Variants in SPECC1 observed in about 807,000 individuals in gnomAD.
The protein encoded by SPECC1 is cytospin-B.
SPECC1 carries 62 observed loss-of-function variants against 104.1 expected under a neutral mutation model. That is an observed-to-expected ratio of 0.60 (90% CI 0.49 to 0.74). The LOEUF (loss-of-function observed/expected upper bound fraction) is 0.74. SPECC1 is among the 30% of genes least tolerant of loss of function. SPECC1 has a pLI of 0.00. For synonymous variants in SPECC1, 513 were observed against 501.6 expected (o/e 1.02, Z -0.30); for missense variants, 1,306 against 1,310.5 (o/e 1.00, Z 0.05).
Position 20,279,530 on chromosome 17 carries a change from C to T in SPECC1, c.2941-17431C>T, listed in dbSNP as rs974540101. 2.0e-5 allele frequency among the ~76,000 whole-genome samples: 3 copies of T among 152,048 alleles called. No individual in the cohort carries two copies. The East Asian group carries it at 5.8e-4, about 29-fold the overall frequency. Reference sequence around the variant, plus strand: ...AGAGAAAGGGTTTCTCCATGTTGGTCAGGCTGATCTTGAACTCCCGACCTC... The same window carrying T: ...AGAGAAAGGGTTTCTCCATGTTGGTTAGGCTGATCTTGAACTCCCGACCTC... On this transcript the variant is annotated intron_variant, in intron 12 of 14. Transcript: ENST00000395527.
In SPECC1 at chr17:20,315,597, GC is replaced by G. The variant is rs1029362127; in HGVS notation, c.*1534del. The stretch of plus-strand genomic sequence containing the variant: ...TGAGTCACCGAGAATGACAGTGACT[GC>G]CATTACTATTCAAAGTACATCTCTG... On this transcript the variant is annotated 3_prime_UTR_variant, in exon 15 of 15. Transcript: ENST00000395527. 3.4e-5 allele frequency: 8 copies of G among 232,618 alleles called. No individual in the cohort carries two copies. Among genetic ancestry groups the G allele is most frequent in the African/African-American group, 1.8e-4 (8 of 45,272 alleles). The allele number at this position is 232,618 out of a possible 1,614,324, so 14.4% of individuals were successfully genotyped here.
In SPECC1 at chr17:20,103,659, C is replaced by G. The variant is rs148371594; in HGVS notation, c.148-6768C>G. On this transcript the variant is annotated intron_variant, in intron 2 of 14. Coordinates refer to ENST00000395527, the MANE Select transcript of SPECC1 (RefSeq NM_001243439.2). ...CTCCTGCCGATCTTCCCTTCCCTCTCCCACATACATGTGGAGGGCTGCTGC... is the reference window on the plus strand; with the variant it reads ...CTCCTGCCGATCTTCCCTTCCCTCTGCCACATACATGTGGAGGGCTGCTGC... Among the ~76,000 whole-genome samples the G allele has an allele frequency of 1.5e-4, 23 of 152,256 alleles. No individual in the cohort carries two copies. In the East Asian group the frequency reaches 4.5e-3, roughly 29 times the overall value.
chr17:20,051,133 TTTCTTTCCTTCTTTCCTTCTTTCC>T (rs11268344), intron 1 of SPECC1, among the ~76,000 whole-genome samples: 2 of 40,918 alleles, frequency 4.9e-5, no homozygotes, highest in African/African-American at 7.8e-5. Flanking sequence ...TCTTTCTTTC[TTTCTTTCCTTCTTTCCTTCTTTCC>T]TTCTTTCCTT....
At chr17:20,038,280 T>C (rs1301234582) in intron 1 of SPECC1, among the ~76,000 whole-genome samples, 1 of 146,884 alleles carries the variant, frequency 6.8e-6, no homozygotes, top group African/African-American at 2.5e-5. Context: ...TCATCTTCTG[T>C]GTTCTTGAGA....
chr17:20,080,869 G>A (rs1320028438), intron 1 of SPECC1, among the ~76,000 whole-genome samples: 3 of 152,244 alleles, frequency 2.0e-5, no homozygotes, highest in Non-Finnish European at 4.4e-5. Flanking sequence ...CCACATGATG[G>A]GATCAGTGCA....
chr17:20,192,558 C>T (rs1482398384), intron 3 of SPECC1, among the ~76,000 whole-genome samples: 1 of 152,022 alleles, frequency 6.6e-6, no homozygotes, highest in African/African-American at 2.4e-5. Flanking sequence ...CTTGTCTTGT[C>T]AACTGTATAT....
In SPECC1 at chr17:20,314,213, TAAG is replaced by T; in HGVS notation, c.*151_*153del. ...CAATCCAAGTGGACCAACACCCAAATAAGAAACAGAGTGGGTCCCACGATGTAC... is the reference window on the plus strand; with the variant it reads ...CAATCCAAGTGGACCAACACCCAAATAAACAGAGTGGGTCCCACGATGTAC... On this transcript the variant is annotated 3_prime_UTR_variant, in exon 15 of 15. Coordinates refer to ENST00000395527, the MANE Select transcript of SPECC1 (RefSeq NM_001243439.2). 4.5e-6 allele frequency: 3 copies of T among 671,916 alleles called. No individual in the cohort carries two copies. Among genetic ancestry groups the T allele is most frequent in the East Asian group, 5.4e-5 (2 of 36,782 alleles). The allele number at this position is 671,916 out of a possible 1,614,324, so 41.6% of individuals were successfully genotyped here.
At chr17:20,160,131 A>G (rs2032999811) in intron 3 of SPECC1, among the ~76,000 whole-genome samples, 1 of 151,856 alleles carries the variant, frequency 6.6e-6, no homozygotes, top group Admixed American at 6.6e-5. Context: ...GCTCAGGTGC[A>G]CTCTGTATTA....
At chr17:20,253,418 A>G (rs759997616) in intron 9 of SPECC1, 87 bp from the exon 10 acceptor site, 35 of 1,305,918 alleles carry the variant, frequency 2.7e-5, no homozygotes, top group African/African-American at 4.4e-5. Context: ...ACTGTTGCAC[A>G]CACACGCATG....
intron 4 of SPECC1, among the ~76,000 whole-genome samples, chr17:20,211,242 T>C (rs2037127526): frequency 6.6e-6 from 1 of 152,190 alleles, no homozygotes; most frequent in African/African-American, 2.4e-5. Flanking sequence ...ATTTCAGTCA[T>C]CTTCAGCTCA....
At chr17:20,279,826 C>T (rs960683636) in intron 12 of SPECC1, among the ~76,000 whole-genome samples, 1 of 152,172 alleles carries the variant, frequency 6.6e-6, no homozygotes, top group African/African-American at 2.4e-5. Context: ...ACCACAACTC[C>T]TGAACTAGGA....
intron 3 of SPECC1, among the ~76,000 whole-genome samples, chr17:20,128,933 C>T (rs997016487): frequency 6.6e-6 from 1 of 152,070 alleles, no homozygotes; most frequent in Non-Finnish European, 1.5e-5. Flanking sequence ...CACTCTGTAA[C>T]ACAGGCTGGA....
intron 3 of SPECC1, among the ~76,000 whole-genome samples, chr17:20,146,514 C>A (rs943765014): frequency 6.6e-6 from 1 of 152,182 alleles, no homozygotes; most frequent in Admixed American, 6.5e-5. Flanking sequence ...TATAAACATT[C>A]ATGTGCAGGT....
Position 20,081,763 on chromosome 17 carries a change from G to A in SPECC1, c.-21-14868G>A, listed in dbSNP as rs548245058. 2.0e-5 allele frequency among the ~76,000 whole-genome samples: 3 copies of A among 152,162 alleles called. No individual in the cohort carries two copies. In the South Asian group the frequency reaches 6.2e-4, roughly 32 times the overall value. Reference sequence around the variant, plus strand: ...CGTGATGTGTTTGTTGCTCTGATCCGTGCTGTAACTTTTCACAGGTGAGCT... The same window carrying A: ...CGTGATGTGTTTGTTGCTCTGATCCATGCTGTAACTTTTCACAGGTGAGCT... On this transcript the variant is annotated intron_variant, in intron 1 of 14. Coordinates refer to ENST00000395527, the MANE Select transcript of SPECC1 (RefSeq NM_001243439.2).
In SPECC1 at chr17:20,291,824, GTGAGCTAC is replaced by G. The variant is rs560636081; in HGVS notation, c.2941-5136_2941-5129del. ...CCTCCCAAAGTTCTGGGGTTACAGCGTGAGCTACCGCACCCAGCCAAGGGACTCATACT... is the reference window on the plus strand; with the variant it reads ...CCTCCCAAAGTTCTGGGGTTACAGCGCGCACCCAGCCAAGGGACTCATACT... On this transcript the variant is annotated intron_variant, in intron 12 of 14. Coordinates refer to ENST00000395527, the MANE Select transcript of SPECC1 (RefSeq NM_001243439.2). 8.6e-5 allele frequency among the ~76,000 whole-genome samples: 13 copies of G among 151,868 alleles called. No homozygotes were observed. In the East Asian group the frequency reaches 2.3e-3, roughly 27 times the overall value.
intron 3 of SPECC1, among the ~76,000 whole-genome samples, chr17:20,111,572 A>G (rs1476982465): frequency 6.6e-6 from 1 of 152,206 alleles, no homozygotes; most frequent in Non-Finnish European, 1.5e-5. Context: ...GTGATCCCAA[A>G]AGTTAATAAA....
At chr17:20,255,143 C>T (rs902678943) in intron 10 of SPECC1, among the ~76,000 whole-genome samples, 1 of 152,254 alleles carries the variant, frequency 6.6e-6, no homozygotes, top group East Asian at 1.9e-4. Flanking sequence ...TGAAAGTTTA[C>T]GTGGGACTCC....
intron 7 of SPECC1, among the ~76,000 whole-genome samples, chr17:20,233,862 G>A (rs1184345712): frequency 6.6e-6 from 1 of 152,236 alleles, no homozygotes; most frequent in East Asian, 1.9e-4. Context: ...GTCATTGGAA[G>A]AAAATCCGAG....
intron 1 of SPECC1, among the ~76,000 whole-genome samples, chr17:20,039,572 T>C (rs906894146): frequency 3.9e-5 from 6 of 152,162 alleles, no homozygotes; most frequent in Non-Finnish European, 1.5e-5. Flanking sequence ...TTTTTGTTTT[T>C]CAACTGAGGT....
Sources: allele counts gnomAD v4.1 joint callset (sites outside exome capture counted in the v4.1 genomes callset), GRCh38; gene constraint gnomAD v4.1.1; transcripts MANE v1.5; gene names NCBI Gene and HGNC (gene_info 2026-07-23, HGNC 2026-07-21).